DLC1: variants seen among roughly 807,000 people sequenced by gnomAD.
DLC1 encodes DLC1 Rho GTPase activating protein.
DLC1 carries 54 observed loss-of-function variants against 140.3 expected under a neutral mutation model. The observed-to-expected ratio is 0.38, with a 90% CI of 0.31 to 0.48. The LOEUF (loss-of-function observed/expected upper bound fraction) is 0.48, where lower values mean the gene tolerates loss of function less well. Among genes scored for constraint, DLC1 ranks in the 20% least tolerant of loss-of-function variants. The pLI, the probability that DLC1 is intolerant of heterozygous loss-of-function variation, is 0.96. For synonymous variants in DLC1, 986 were observed against 728.1 expected, an observed-to-expected ratio of 1.35 and a Z score of -5.70; for missense variants, 2,536 against 1,907.0, an observed-to-expected ratio of 1.33 and a Z score of -6.14.
rs540052371 is a variant in DLC1 at position 13,135,114 on chromosome 8, C to A, written c.1349-19457G>T. ...ACCAGCAAGGGGGAGTGTGATTCAA[C>A]GGGAGGCCAGGAAAGTAAAAGCAAG... On this transcript the variant is annotated intron_variant, in intron 5 of 17. Coordinates refer to ENST00000276297, the MANE Select transcript of DLC1 (RefSeq NM_182643.3). Among the ~76,000 whole-genome samples, 6 of 151,888 alleles carry A rather than the reference C, an allele frequency of 4.0e-5. No individual in the cohort carries two copies. The East Asian group carries it at 7.7e-4, about 20-fold the overall frequency.
intron 4 of DLC1, among the ~76,000 whole-genome samples, chr8:13,356,796 G>T (rs1006253237): frequency 6.6e-6 from 1 of 151,846 alleles, no homozygotes; most frequent in Non-Finnish European, 1.5e-5. Context: ...CGTACTTCCT[G>T]ATCAATGCTG....
intron 5 of DLC1, among the ~76,000 whole-genome samples, chr8:13,297,465 C>G (rs1214810940): frequency 1.3e-5 from 2 of 151,752 alleles, no homozygotes; most frequent in Admixed American, 6.6e-5. Flanking sequence ...TTTGCTGTTA[C>G]AAGAAGAGCT....
chr8:13,420,736 C>T (rs567879479), intron 2 of DLC1, among the ~76,000 whole-genome samples: 7 of 152,140 alleles, frequency 4.6e-5, no homozygotes, highest in Non-Finnish European at 7.4e-5. Flanking sequence ...CACATGAACA[C>T]GTTCTTTTTT....
chr8:13,463,292 A>G (rs1799760735), intron 2 of DLC1, among the ~76,000 whole-genome samples: 1 of 152,132 alleles, frequency 6.6e-6, no homozygotes, highest in African/African-American at 2.4e-5. Flanking sequence ...TTCAGATTCT[A>G]TTAGCTGCAA....
chr8:13,313,960 CAG>C (rs1322298776), intron 4 of DLC1, among the ~76,000 whole-genome samples: 5 of 152,150 alleles, frequency 3.3e-5, no homozygotes, highest in African/African-American at 1.2e-4. Context: ...GGTCTCCAAA[CAG>C]AGGAGCAGAC....
intron 2 of DLC1, among the ~76,000 whole-genome samples, chr8:13,493,019 G>C (rs189068882): frequency 6.6e-6 from 1 of 152,170 alleles, no homozygotes; most frequent in Non-Finnish European, 1.5e-5. Flanking sequence ...GAATATGTTG[G>C]ATAAGAACTG....
At position 13,311,476 on chromosome 8, in the gene DLC1, A is replaced by G. The variant is rs554152832; in HGVS notation, c.1315-6174T>C. 8.5e-5 allele frequency among the ~76,000 whole-genome samples: 13 copies of G among 152,350 alleles called. 1 individual carries two copies. The South Asian group carries it at 2.1e-3, about 24-fold the overall frequency. On this transcript the variant is annotated intron_variant, in intron 4 of 17. Coordinates refer to ENST00000276297, the MANE Select transcript of DLC1 (RefSeq NM_182643.3). Reference sequence around the variant, plus strand: ...GATTGCCTTCAAGGAACAAATATCTATAACTAAAGTGAAATATTAATAAAT... The same window carrying G: ...GATTGCCTTCAAGGAACAAATATCTGTAACTAAAGTGAAATATTAATAAAT...
chr8:13,356,120 T>C (rs985010720), intron 4 of DLC1, among the ~76,000 whole-genome samples: 1 of 150,896 alleles, frequency 6.6e-6, no homozygotes, highest in African/African-American at 2.4e-5. Context: ...AAAAATCTTA[T>C]TTTTTATTTT....
chr8:13,169,433 A>G (rs545518131), intron 5 of DLC1, among the ~76,000 whole-genome samples: 1 of 152,248 alleles, frequency 6.6e-6, no homozygotes. Context: ...TATCATTTGT[A>G]ACTTTAGAGC....
At chr8:13,357,375 T>A (rs962642832) in intron 4 of DLC1, among the ~76,000 whole-genome samples, 2 of 152,226 alleles carry the variant, frequency 1.3e-5, no homozygotes, top group African/African-American at 4.8e-5. Context: ...GTTTTATATG[T>A]CTTTGGACAA....
At chr8:13,245,292 C>T (rs1229565433) in intron 5 of DLC1, among the ~76,000 whole-genome samples, 2 of 152,198 alleles carry the variant, frequency 1.3e-5, no homozygotes, top group Non-Finnish European at 2.9e-5. Context: ...TGATTCTGGC[C>T]TCTAGCTGTC....
intron 4 of DLC1, among the ~76,000 whole-genome samples, chr8:13,362,815 T>G (rs914052481): frequency 6.6e-6 from 1 of 152,158 alleles, no homozygotes; most frequent in Non-Finnish European, 1.5e-5. Context: ...CCCCGGATAT[T>G]TCCTGTTTAG....
At chr8:13,130,307 A>G (rs554021929) in intron 5 of DLC1, among the ~76,000 whole-genome samples, 2 of 152,228 alleles carry the variant, frequency 1.3e-5, no homozygotes, top group Non-Finnish European at 2.9e-5. Context: ...TTTAAGTCCC[A>G]TAATAGTTCT....
intron 5 of DLC1, among the ~76,000 whole-genome samples, chr8:13,221,841 TATAAAATATATTAATATATTA>T (rs1234898605): frequency 6.9e-6 from 1 of 144,270 alleles, no homozygotes; most frequent in Non-Finnish European, 1.5e-5. Flanking sequence ...AAAATATTAA[TATAAAATATATTAATATATTA>T]ATAAAATATA....
chr8:13,302,094 C>T (rs1173788256), intron 5 of DLC1, among the ~76,000 whole-genome samples: 1 of 152,214 alleles, frequency 6.6e-6, no homozygotes, highest in African/African-American at 2.4e-5. Flanking sequence ...TGGTTGGATT[C>T]TGTCTCAGAT....
chr8:13,168,291 A>C (rs10099359), intron 5 of DLC1, among the ~76,000 whole-genome samples: 62,531 of 151,984 alleles, frequency 0.41, 13,620 homozygotes, highest in East Asian at 0.83. Context: ...CAAAATTTTA[A>C]TGAGAGGAAG....
intron 4 of DLC1, among the ~76,000 whole-genome samples, chr8:13,352,194 C>T (rs1249998624): frequency 1.3e-5 from 2 of 151,626 alleles, no homozygotes; most frequent in African/African-American, 4.8e-5. Context: ...ACATGGTGCA[C>T]GTGGATGCGC....
chr8:13,187,844 C>G (rs1360382674), intron 5 of DLC1, among the ~76,000 whole-genome samples: 3 of 152,140 alleles, frequency 2.0e-5, no homozygotes, highest in African/African-American at 7.2e-5. Context: ...CCAGGGATTC[C>G]TCGGCTCCCC....
intron 2 of DLC1, among the ~76,000 whole-genome samples, chr8:13,494,758 C>G (rs964131128): frequency 3.9e-5 from 6 of 152,080 alleles, no homozygotes; most frequent in Non-Finnish European, 5.9e-5. Context: ...TGAGACCAGG[C>G]TGGCCAACAT....
Sources: allele counts gnomAD v4.1 joint callset (sites outside exome capture counted in the v4.1 genomes callset), GRCh38; gene constraint gnomAD v4.1.1; transcripts MANE v1.5; gene names NCBI Gene and HGNC (gene_info 2026-07-23, HGNC 2026-07-21).